The following ALK variants were observed in gnomAD, a reference collection of about 807,000 sequenced individuals.
ALK encodes the protein ALK tyrosine kinase receptor.
A neutral mutation model predicts 163.1 loss-of-function variants in ALK; 74 were observed. That is an observed-to-expected ratio of 0.45 (90% CI 0.38 to 0.55). ALK has a LOEUF of 0.55. Ranked by LOEUF, ALK falls within the 20% of genes least tolerant of loss-of-function variation. The probability of loss-of-function intolerance (pLI) is 0.00; values close to 1 mark genes in which losing one functional copy is unlikely to be tolerated. For missense variants in ALK, 2,063 were observed against 2,105.3 expected, an observed-to-expected ratio of 0.98 and a Z score of 0.39; for synonymous variants, 960 against 843.2, an observed-to-expected ratio of 1.14 and a Z score of -2.40.
At chr2:29,394,820 C>A (rs189255916) in intron 4 of ALK, among the ~76,000 whole-genome samples, 27 of 152,096 alleles carry the variant, frequency 1.8e-4, no homozygotes, top group African/African-American at 6.5e-4. Context: ...TTAGCACCAT[C>A]TGTTCTTTTC....
chr2:29,228,792 C>A (rs1164987731), intron 16 of ALK, 92 bp downstream of exon 16: 5 of 860,440 alleles, frequency 5.8e-6, no homozygotes, highest in Non-Finnish European at 9.8e-6. Flanking sequence ...CTTGGGCAGG[C>A]CAGGGGAGGG....
At chr2:29,303,884 G>T (rs1198989514) in intron 8 of ALK, among the ~76,000 whole-genome samples, 1 of 152,174 alleles carries the variant, frequency 6.6e-6, no homozygotes, top group Non-Finnish European at 1.5e-5. Context: ...GACTCTAAAA[G>T]GTGGGAGAGT....
At chr2:29,253,750 G>T (rs1353971807) in intron 11 of ALK, among the ~76,000 whole-genome samples, 1 of 152,138 alleles carries the variant, frequency 6.6e-6, no homozygotes, top group African/African-American at 2.4e-5. Context: ...CAAGCAGCCT[G>T]GGTGTGGGGG....
At chr2:29,881,418 G>A (rs1368823376) in intron 1 of ALK, among the ~76,000 whole-genome samples, 3 of 152,184 alleles carry the variant, frequency 2.0e-5, no homozygotes, top group Non-Finnish European at 2.9e-5. Flanking sequence ...AAATTTCAGA[G>A]AGGAGCATTT....
chr2:29,567,489 ACACAG>A (rs1674225374), intron 3 of ALK, among the ~76,000 whole-genome samples: 1 of 152,206 alleles, frequency 6.6e-6, no homozygotes, highest in Admixed American at 6.5e-5. Flanking sequence ...TCTTGAATTG[ACACAG>A]CTTTTGTCTA....
At chr2:29,887,274 T>A (rs1667008815) in intron 1 of ALK, among the ~76,000 whole-genome samples, 1 of 152,232 alleles carries the variant, frequency 6.6e-6, no homozygotes, top group South Asian at 2.1e-4. Context: ...GGTGGCTTCA[T>A]TCATATGCCT....
At chr2:29,482,817 T>C (rs1397182920) in intron 4 of ALK, among the ~76,000 whole-genome samples, 20 of 152,306 alleles carry the variant, frequency 1.3e-4, no homozygotes, top group Non-Finnish European at 1.5e-5. Flanking sequence ...AGTTCTTTAG[T>C]CTTCCATGAC....
intron 3 of ALK, among the ~76,000 whole-genome samples, chr2:29,662,459 C>G (rs986001297): frequency 1.3e-5 from 2 of 152,064 alleles, no homozygotes; most frequent in Non-Finnish European, 2.9e-5. Flanking sequence ...AAATTTGGCC[C>G]CTTCCTTAAG....
intron 5 of ALK, among the ~76,000 whole-genome samples, chr2:29,371,627 G>T (rs570502926): frequency 6.6e-6 from 1 of 152,328 alleles, no homozygotes; most frequent in South Asian, 2.1e-4. Flanking sequence ...AATCACAGGA[G>T]ACTTTTATAT....
At chr2:29,481,208 T>G (rs1225482944) in intron 4 of ALK, among the ~76,000 whole-genome samples, 1 of 152,252 alleles carries the variant, frequency 6.6e-6, no homozygotes, top group Non-Finnish European at 1.5e-5. Flanking sequence ...AATCCTGGTT[T>G]GTAGTTCAGT....
chr2:29,498,846 C>T (rs1032307203), intron 4 of ALK, among the ~76,000 whole-genome samples: 4 of 152,132 alleles, frequency 2.6e-5, no homozygotes, highest in African/African-American at 4.8e-5. Flanking sequence ...GGAGTTGGAT[C>T]ATCACTATAA....
intron 4 of ALK, among the ~76,000 whole-genome samples, chr2:29,478,695 A>G (rs995544975): frequency 6.6e-6 from 1 of 152,236 alleles, no homozygotes; most frequent in Non-Finnish European, 1.5e-5. Context: ...GAGCATGGAC[A>G]TATTCAAAGA....
In ALK at chr2:29,674,087, G is replaced by A. The variant is rs1677796379; in HGVS notation, c.952+20763C>T. Among the ~76,000 whole-genome samples the A allele has an allele frequency of 2.7e-5, 4 of 146,664 alleles. No individual in the cohort carries two copies. The South Asian group carries it at 9.0e-4, about 33-fold the overall frequency. The stretch of plus-strand genomic sequence containing the variant: ...AGGAGATTTTGGGCTGAGACAATGG[G>A]GTTTTCTAGATATACAATCATGTCG... On this transcript the variant is annotated intron_variant, in intron 3 of 28. Transcript: ENST00000389048.
intron 4 of ALK, among the ~76,000 whole-genome samples, chr2:29,494,994 T>A (rs1445072497): frequency 6.6e-6 from 1 of 152,236 alleles, no homozygotes; most frequent in Non-Finnish European, 1.5e-5. Context: ...TCACCTGCGA[T>A]AGCAGACTGT....
At chr2:29,865,651 C>T (rs572806821) in intron 1 of ALK, among the ~76,000 whole-genome samples, 123 of 152,234 alleles carry the variant, frequency 8.1e-4, no homozygotes, top group African/African-American at 2.6e-3. Context: ...GGACCATGTC[C>T]ACAGGGGTAT....
intron 26 of ALK, among the ~76,000 whole-genome samples, chr2:29,204,370 G>T (rs1380292683): frequency 6.6e-6 from 1 of 152,082 alleles, no homozygotes; most frequent in Non-Finnish European, 1.5e-5. Flanking sequence ...GGCTTCTCTT[G>T]ACTATGACAA....
chr2:29,821,754 T>C (rs1434557723), intron 1 of ALK, among the ~76,000 whole-genome samples: 2 of 152,154 alleles, frequency 1.3e-5, no homozygotes, highest in Non-Finnish European at 2.9e-5. Context: ...CCTCAGCTGT[T>C]CCCATTCCTC....
At chr2:29,786,031 G>C (rs1335016830) in intron 1 of ALK, among the ~76,000 whole-genome samples, 1 of 151,790 alleles carries the variant, frequency 6.6e-6, no homozygotes, top group South Asian at 2.1e-4. Context: ...GCTTTAAAAA[G>C]TTTTCGCCAT....
At position 29,675,493 on chromosome 2, in the gene ALK, G is replaced by A. The variant is rs1334535770; in HGVS notation, c.952+19357C>T. 2.0e-5 allele frequency among the ~76,000 whole-genome samples: 3 copies of A among 152,054 alleles called. No homozygotes were observed. The East Asian group carries it at 5.8e-4, about 29-fold the overall frequency. ...CCTTTGCCCCCAACCTTCCCTACCA[G>A]CAAAACCTGATGGGACAGAGACCAG... On this transcript the variant is annotated intron_variant, in intron 3 of 28. Transcript: ENST00000389048.
Sources: allele counts gnomAD v4.1 joint callset (sites outside exome capture counted in the v4.1 genomes callset), GRCh38; gene constraint gnomAD v4.1.1; transcripts MANE v1.5; gene names NCBI Gene and HGNC (gene_info 2026-07-23, HGNC 2026-07-21).